Variants in DPYSL3 observed in about 807,000 individuals in gnomAD.
The protein encoded by DPYSL3 is dihydropyrimidinase like 3.
DPYSL3 carries 16 observed loss-of-function variants against 66.1 expected under a neutral mutation model. The ratio of observed to expected loss-of-function variants is 0.24; its 90% CI spans 0.16 to 0.37. The LOEUF (loss-of-function observed/expected upper bound fraction) is 0.37. Among genes scored for constraint, DPYSL3 ranks in the 10% least tolerant of loss-of-function variants. The pLI is 1.00. For synonymous variants in DPYSL3, 338 were observed against 345.1 expected (o/e 0.98, Z 0.23); for missense variants, 738 against 916.2 (o/e 0.81, Z 2.51).
At chr5:147,441,160 T>C (rs1339689306) in intron 1 of DPYSL3, among the ~76,000 whole-genome samples, 1 of 152,222 alleles carries the variant, frequency 6.6e-6, no homozygotes, top group Non-Finnish European at 1.5e-5. Context: ...TTTCATTCTT[T>C]GTTCTTCACT....
In DPYSL3 at chr5:147,406,185, C is replaced by T. The variant is rs183566327; in HGVS notation, c.1033-455G>A. The T allele has an allele frequency of 6.0e-3, 916 of 152,842 alleles. 5 individuals carry two copies. The highest frequency in any genetic ancestry group is 8.8e-3 in the Non-Finnish European group (600 of 68,432). 9.5% of individuals were successfully genotyped at this position (152,842 alleles called of 1,614,324 possible). A position where few individuals can be genotyped will look rare whatever the true frequency, so the allele number is the denominator to read the frequency against. ...CTTTCCTGCAGCAGTAAGTGGTCAG[C>T]AAAGGGTTAATTTTAGGAGGCATTT... On this transcript the variant is annotated intron_variant, in intron 7 of 13. Coordinates refer to ENST00000343218, the MANE Select transcript of DPYSL3 (RefSeq NM_001197294.2).
At chr5:147,423,319 GTTCA>G (rs537366091) in intron 2 of DPYSL3, among the ~76,000 whole-genome samples, 1 of 150,042 alleles carries the variant, frequency 6.7e-6, no homozygotes, top group Non-Finnish European at 1.5e-5. Flanking sequence ...TCTTGGATTT[GTTCA>G]TTCATTCATT....
rs141954921 is a variant in DPYSL3, at chr5:147,462,559, A to G, written c.382-37596T>C. On this transcript the variant is annotated intron_variant, in intron 1 of 13. Transcript: ENST00000343218. ...ACAACTTCTTTCAGAGTAAAGAACAAATTATTGCACTAGGGAACTCCTGCA... is the reference window on the plus strand; with the variant it reads ...ACAACTTCTTTCAGAGTAAAGAACAGATTATTGCACTAGGGAACTCCTGCA... Among the ~76,000 whole-genome samples the G allele has an allele frequency of 8.2e-4, 125 of 152,264 alleles. 1 individual carries two copies. Among genetic ancestry groups the G allele is most frequent in the African/African-American group, 2.9e-3 (120 of 41,496 alleles).
intron 1 of DPYSL3, among the ~76,000 whole-genome samples, chr5:147,431,371 C>T (rs1291559002): frequency 6.6e-6 from 1 of 152,018 alleles, no homozygotes; most frequent in Non-Finnish European, 1.5e-5. Context: ...ACCAACACTA[C>T]CCGTGTTTGG....
chr5:147,481,105 A>G (rs1204780123), intron 1 of DPYSL3, among the ~76,000 whole-genome samples: 1 of 152,204 alleles, frequency 6.6e-6, no homozygotes, highest in Middle Eastern at 3.2e-3. Context: ...TATTTCATAA[A>G]ATTCAGAGAG....
intron 6 of DPYSL3, among the ~76,000 whole-genome samples, chr5:147,410,233 C>T (rs535110312): frequency 6.6e-6 from 1 of 152,236 alleles, no homozygotes; most frequent in East Asian, 1.9e-4. Flanking sequence ...GGATAATGCA[C>T]AGGACAAAGC....
At chr5:147,466,994 G>T (rs2126418286) in intron 1 of DPYSL3, among the ~76,000 whole-genome samples, 1 of 152,210 alleles carries the variant, frequency 6.6e-6, no homozygotes, top group Non-Finnish European at 1.5e-5. Flanking sequence ...ACTTTTTATT[G>T]ATTTGGCCAC....
intron 1 of DPYSL3, among the ~76,000 whole-genome samples, chr5:147,435,716 C>T (rs1439784814): frequency 1.3e-5 from 2 of 151,710 alleles, no homozygotes; most frequent in Admixed American, 1.3e-4. Flanking sequence ...CAGCAAGTGG[C>T]AGGGGGAAAA....
intron 1 of DPYSL3, chr5:147,453,705 G>GCGC: frequency 4.5e-6 from 6 of 1,335,746 alleles, no homozygotes; most frequent in Non-Finnish European, 5.8e-6. Context: ...TGCGCTGGCC[G>GCGC]CGCCGCCGCC....
At chr5:147,407,301 G>A (rs1758349297) in intron 7 of DPYSL3, among the ~76,000 whole-genome samples, 1 of 152,116 alleles carries the variant, frequency 6.6e-6, no homozygotes, top group South Asian at 2.1e-4. Context: ...GCCTTCCACG[G>A]CTATAGAGGT....
intron 1 of DPYSL3, among the ~76,000 whole-genome samples, chr5:147,455,684 GC>G (rs1752839238): frequency 6.6e-6 from 1 of 151,984 alleles, no homozygotes; most frequent in African/African-American, 2.4e-5. Flanking sequence ...AGATTTTACT[GC>G]CCCAAACTTG....
chr5:147,493,698 C>T (rs1753454574), intron 1 of DPYSL3, among the ~76,000 whole-genome samples: 1 of 152,196 alleles, frequency 6.6e-6, no homozygotes, highest in Non-Finnish European at 1.5e-5. Context: ...TAGACTACTT[C>T]ATCCAACAAA....
At chr5:147,498,595 T>C (rs1753556809) in intron 1 of DPYSL3, among the ~76,000 whole-genome samples, 1 of 152,100 alleles carries the variant, frequency 6.6e-6, no homozygotes, top group Non-Finnish European at 1.5e-5. Flanking sequence ...ACCTCACCAA[T>C]GTCTATTATT....
chr5:147,445,819 T>C (rs1739023200), intron 1 of DPYSL3, among the ~76,000 whole-genome samples: 1 of 152,096 alleles, frequency 6.6e-6, no homozygotes, highest in African/African-American at 2.4e-5. Flanking sequence ...AAAGAAAGAC[T>C]GTATGTGACA....
chr5:147,481,877 C>T (rs1753250047), intron 1 of DPYSL3, among the ~76,000 whole-genome samples: 1 of 152,198 alleles, frequency 6.6e-6, no homozygotes. Context: ...ATTACCCAGT[C>T]TCAGGTATTC....
chr5:147,486,209 G>A (rs928710821), intron 1 of DPYSL3, among the ~76,000 whole-genome samples: 3 of 152,212 alleles, frequency 2.0e-5, no homozygotes, highest in African/African-American at 7.2e-5. Context: ...GTGGTGTGAT[G>A]AGAAAATTCT....
At chr5:147,489,609 T>C (rs1000609350) in intron 1 of DPYSL3, among the ~76,000 whole-genome samples, 3 of 152,208 alleles carry the variant, frequency 2.0e-5, no homozygotes, top group African/African-American at 7.2e-5. Context: ...AACCTCATAT[T>C]TGTGCCTCAA....
chr5:147,453,786 C>G (rs1327812347), intron 1 of DPYSL3: 1 of 1,275,864 alleles, frequency 7.8e-7, no homozygotes, highest in African/African-American at 1.6e-5. Flanking sequence ...CTCCCCGGTC[C>G]CCCTTTCACC....
Position 147,395,685 on chromosome 5 carries a change from C to T in DPYSL3, c.1840G>A (p.Asp614Asn), listed in dbSNP as rs772681423. 1.1e-5 allele frequency: 18 copies of T among 1,613,964 alleles called. No individual in the cohort carries two copies. Among genetic ancestry groups the T allele is most frequent in the South Asian group, 3.3e-5 (3 of 91,076 alleles). The change falls in exon 13 of 14, where the codon GAT becomes AAT. Residue 614 changes from aspartate to asparagine, a missense_variant. Transcript: ENST00000343218. ...DLHAVPRGMYDGPVFDLTTTP... is the reference protein window; with the variant it reads ...DLHAVPRGMYNGPVFDLTTTP... ...GTGGTCAGGTCAAACACAGGCCCAT[C>T]GTACATGCCCCTTGGGACGGCATGC... is the stretch of plus-strand genomic sequence containing the variant.
Sources: allele counts gnomAD v4.1 joint callset (sites outside exome capture counted in the v4.1 genomes callset), GRCh38; gene constraint gnomAD v4.1.1; transcripts MANE v1.5; gene names NCBI Gene and HGNC (gene_info 2026-07-23, HGNC 2026-07-21).